Variants in CDC37L1 observed in about 807,000 individuals in gnomAD.
The protein encoded by CDC37L1 is hsp90 co-chaperone Cdc37-like 1.
CDC37L1 carries 32 observed loss-of-function variants against 45.9 expected under a neutral mutation model. That is an observed-to-expected ratio of 0.70 (90% CI 0.53 to 0.94). CDC37L1 has a LOEUF of 0.94. CDC37L1 is among the 40% of genes least tolerant of loss of function. CDC37L1 has a pLI of 0.00. For synonymous variants in CDC37L1, 150 were observed against 133.0 expected (o/e 1.13, Z -0.88); for missense variants, 434 against 405.7 (o/e 1.07, Z -0.60).
At chr9:4,688,000 G>A (rs890694744) in intron 2 of CDC37L1, among the ~76,000 whole-genome samples, 6 of 152,088 alleles carry the variant, frequency 3.9e-5, no homozygotes, top group African/African-American at 9.6e-5. Context: ...CACATATATC[G>A]TATGTATTTT....
intron 3 of CDC37L1, among the ~76,000 whole-genome samples, chr9:4,696,639 T>C (rs1841350509): frequency 6.6e-6 from 1 of 152,230 alleles, no homozygotes; most frequent in South Asian, 2.1e-4. Context: ...GGTGTAGATA[T>C]AACTTAAATA....
intron 2 of CDC37L1, among the ~76,000 whole-genome samples, chr9:4,686,426 C>G (rs189906729): frequency 3.3e-5 from 5 of 152,138 alleles, no homozygotes; most frequent in Admixed American, 3.3e-4. Flanking sequence ...TTTGCTATAT[C>G]TGTATATATT....
At chr9:4,696,506 A>T (rs973624900) in intron 3 of CDC37L1, among the ~76,000 whole-genome samples, 35 of 152,120 alleles carry the variant, frequency 2.3e-4, no homozygotes, top group Admixed American at 2.0e-3. Flanking sequence ...AGAGAAAAAA[A>T]GAAAAGAAAA....
chr9:4,696,332 C>G (rs1489340795), intron 3 of CDC37L1, among the ~76,000 whole-genome samples: 1 of 152,048 alleles, frequency 6.6e-6, no homozygotes, highest in Non-Finnish European at 1.5e-5. Flanking sequence ...GAATCTAAAC[C>G]TAACATTGCT....
chr9:4,690,734 A>G (rs1244248255), intron 3 of CDC37L1, among the ~76,000 whole-genome samples: 2 of 152,340 alleles, frequency 1.3e-5, no homozygotes, highest in East Asian at 3.9e-4. Context: ...AGCCATTCCC[A>G]GAGTCACAAT....
At chr9:4,686,790 C>G (rs912711078) in intron 2 of CDC37L1, among the ~76,000 whole-genome samples, 9 of 152,168 alleles carry the variant, frequency 5.9e-5, no homozygotes, top group Admixed American at 5.2e-4. Context: ...AACTTGATAG[C>G]CACTAGCCAC....
intron 1 of CDC37L1, among the ~76,000 whole-genome samples, chr9:4,682,882 TTATTCTTGATCCTATTCTAAGATAAC>T (rs1175523896): frequency 6.6e-6 from 1 of 151,168 alleles, no homozygotes; most frequent in Non-Finnish European, 1.5e-5. Flanking sequence ...TAGTCTACAG[TTATTCTTGATCCTATTCTAAGATAAC>T]TATTCTTGAT....
intron 3 of CDC37L1, among the ~76,000 whole-genome samples, chr9:4,690,194 G>C (rs562015465): frequency 6.6e-6 from 1 of 152,152 alleles, no homozygotes; most frequent in East Asian, 1.9e-4. Context: ...TGTAAAATGA[G>C]TTTCTGGGTC....
chr9:4,691,426 T>C (rs1355209777), intron 3 of CDC37L1, among the ~76,000 whole-genome samples: 1 of 152,216 alleles, frequency 6.6e-6, no homozygotes, highest in Non-Finnish European at 1.5e-5. Context: ...TATGCGGTAT[T>C]TGGTTTTCTG....
chr9:4,690,118 C>T (rs1841287195), intron 3 of CDC37L1, among the ~76,000 whole-genome samples: 1 of 152,166 alleles, frequency 6.6e-6, no homozygotes, highest in Non-Finnish European at 1.5e-5. Flanking sequence ...AAACCTGCTT[C>T]TGGGTAGTGA....
At chr9:4,704,296 C>T (rs558197935) in intron 6 of CDC37L1, among the ~76,000 whole-genome samples, 1 of 152,080 alleles carries the variant, frequency 6.6e-6, no homozygotes, top group Non-Finnish European at 1.5e-5. Flanking sequence ...AGTGATGAAT[C>T]TAATATTCTA....
intron 3 of CDC37L1, among the ~76,000 whole-genome samples, chr9:4,692,194 C>A (rs1841307014): frequency 6.6e-6 from 1 of 151,466 alleles, no homozygotes; most frequent in African/African-American, 2.4e-5. Flanking sequence ...ATATCAATAT[C>A]TTATTTTTGA....
At chr9:4,681,824 T>C (rs919246916) in intron 1 of CDC37L1, among the ~76,000 whole-genome samples, 1 of 152,168 alleles carries the variant, frequency 6.6e-6, no homozygotes, top group Non-Finnish European at 1.5e-5. Flanking sequence ...TTTTATCAAA[T>C]AAGGGGGATC....
rs1387180409 is a variant in CDC37L1, at chr9:4,708,333, G to GT, written c.*2222dup. The stretch of plus-strand genomic sequence containing the variant: ...GAATGAAACATTTTTTTACATCAAA[G>GT]TATCATCAAAGATTCTTGTTTCATT... On this transcript the variant is annotated 3_prime_UTR_variant, in exon 7 of 7. Transcript: ENST00000381854. 14 of 152,230 alleles carry GT rather than the reference G, an allele frequency of 9.2e-5. No individual in the cohort carries two copies. The highest frequency in any genetic ancestry group is 2.9e-4 in the African/African-American group (12 of 41,536). The allele number at this position is 152,230 out of a possible 1,614,324, so 9.4% of individuals were successfully genotyped here.
chr9:4,688,685 G>C (rs889167297), intron 3 of CDC37L1, 79 bp downstream of exon 3: 2 of 932,560 alleles, frequency 2.1e-6, no homozygotes, highest in South Asian at 1.9e-5. Context: ...TTTATAAAAA[G>C]AGAGCCAAAA....
intron 2 of CDC37L1, among the ~76,000 whole-genome samples, chr9:4,687,547 C>G (rs1368548838): frequency 6.6e-6 from 1 of 151,936 alleles, no homozygotes; most frequent in Admixed American, 6.6e-5. Context: ...GGTATGGTGG[C>G]TCACACCTGT....
intron 3 of CDC37L1, among the ~76,000 whole-genome samples, chr9:4,695,689 G>T (rs775541949): frequency 3.3e-5 from 5 of 152,006 alleles, no homozygotes; most frequent in Non-Finnish European, 7.4e-5. Flanking sequence ...TAGAGACAGG[G>T]TCTTACTATG....
rs2130838743 is a variant in CDC37L1 at position 4,679,719 on chromosome 9, G to C, written c.-49G>C. ...TCCATTCACGCCAAGTCTGTTGGCA[G>C]TGGCAGTTGTAGGGCCAAGGGCGGT... On this transcript the variant is annotated 5_prime_UTR_variant, in exon 1 of 7. Coordinates refer to ENST00000381854, the MANE Select transcript of CDC37L1 (RefSeq NM_017913.4). 6.4e-7 allele frequency: 1 copy of C among 1,559,162 alleles called. No homozygotes were observed. Among genetic ancestry groups the C allele is most frequent in the South Asian group, 1.2e-5 (1 of 86,548 alleles).
intron 5 of CDC37L1, among the ~76,000 whole-genome samples, chr9:4,698,774 A>T (rs1416342503): frequency 6.6e-6 from 1 of 152,122 alleles, no homozygotes; most frequent in Non-Finnish European, 1.5e-5. Context: ...TAATACCAAG[A>T]TGTTATTTTT....
Sources: allele counts gnomAD v4.1 joint callset (sites outside exome capture counted in the v4.1 genomes callset), GRCh38; gene constraint gnomAD v4.1.1; transcripts MANE v1.5; gene names NCBI Gene and HGNC (gene_info 2026-07-23, HGNC 2026-07-21).